Variants in BMAL2 observed in about 807,000 individuals in gnomAD.
BMAL2 encodes basic helix-loop-helix ARNT like 2.
chr12:27,384,815 TGCAG>T, the BMAL2 span, among the ~76,000 whole-genome samples: 2 of 152,344 alleles, frequency 1.3e-5, no homozygotes, highest in East Asian at 3.9e-4. Flanking sequence ...CTCACCTGTT[TGCAG>T]GCCATGGTGG....
the BMAL2 span, among the ~76,000 whole-genome samples, chr12:27,366,315 A>G: frequency 5.9e-5 from 9 of 152,196 alleles, no homozygotes; most frequent in Non-Finnish European, 8.8e-5. Context: ...ATATATGTCT[A>G]TTATATGAAG....
the BMAL2 span, chr12:27,418,111 AC>A: frequency 6.2e-7 from 1 of 1,613,100 alleles, no homozygotes; most frequent in Non-Finnish European, 8.5e-7. Context: ...AGTTGTTTCC[AC>A]CAAGTCCTTC....
chr12:27,346,052 G>A, the BMAL2 span, among the ~76,000 whole-genome samples: 293 of 152,268 alleles, frequency 1.9e-3, no homozygotes, highest in African/African-American at 6.5e-3. Context: ...GACAATGTGT[G>A]AACAAATGAA....
the BMAL2 span, among the ~76,000 whole-genome samples, chr12:27,349,664 T>G: frequency 6.6e-6 from 1 of 152,222 alleles, no homozygotes; most frequent in Non-Finnish European, 1.5e-5. Context: ...AGGCAAGTAA[T>G]TAATGTACTA....
the BMAL2 span, among the ~76,000 whole-genome samples, chr12:27,354,173 C>A: frequency 3.4e-4 from 52 of 152,292 alleles, no homozygotes; most frequent in African/African-American, 1.2e-3. Flanking sequence ...AACCTAGGTG[C>A]TCATCAGTGG....
At chr12:27,365,243 A>G in the BMAL2 span, among the ~76,000 whole-genome samples, 3 of 152,074 alleles carry the variant, frequency 2.0e-5, no homozygotes, top group Non-Finnish European at 2.9e-5. Flanking sequence ...AGATGATTGT[A>G]TAGTTTTTCA....
the BMAL2 span, among the ~76,000 whole-genome samples, chr12:27,411,622 T>C: frequency 6.6e-6 from 1 of 152,158 alleles, no homozygotes; most frequent in South Asian, 2.1e-4. Flanking sequence ...CATGTGCTTA[T>C]TGGCCATTTG....
At chr12:27,388,408 G>A in the BMAL2 span, among the ~76,000 whole-genome samples, 15 of 152,124 alleles carry the variant, frequency 9.9e-5, no homozygotes, top group African/African-American at 2.4e-4. Flanking sequence ...CGGCTGGTCC[G>A]TTAGTCCTGT....
At chr12:27,357,341 A>G in the BMAL2 span, among the ~76,000 whole-genome samples, 17 of 152,214 alleles carry the variant, frequency 1.1e-4, no homozygotes, top group Non-Finnish European at 4.4e-5. Context: ...GGAAAACTAC[A>G]AAGCACTACT....
the BMAL2 span, among the ~76,000 whole-genome samples, chr12:27,386,554 G>A: frequency 6.6e-6 from 1 of 152,154 alleles, no homozygotes; most frequent in African/African-American, 2.4e-5. Flanking sequence ...ATTCTGCCCT[G>A]TCCTTCTACC....
the BMAL2 span, among the ~76,000 whole-genome samples, chr12:27,396,651 G>A: frequency 3.3e-5 from 5 of 152,176 alleles, no homozygotes; most frequent in Non-Finnish European, 7.4e-5. Context: ...TCACTCCCAC[G>A]CCAAGCTGGG....
chr12:27,422,050 G>A, the BMAL2 span: 1 of 152,102 alleles, frequency 6.6e-6, no homozygotes, highest in Non-Finnish European at 1.5e-5. Flanking sequence ...AAAATTTGGA[G>A]AGCATTTTTA....
the BMAL2 span, among the ~76,000 whole-genome samples, chr12:27,417,624 C>G: frequency 6.6e-6 from 1 of 152,070 alleles, no homozygotes; most frequent in Non-Finnish European, 1.5e-5. Flanking sequence ...ACATGGTCCT[C>G]GGGAAAAGCA....
chr12:27,418,415 CAT>C, the BMAL2 span, among the ~76,000 whole-genome samples: 1 of 149,756 alleles, frequency 6.7e-6, no homozygotes, highest in East Asian at 2.0e-4. Context: ...GCCTGGCACA[CAT>C]AGCAATAACC....
At chr12:27,418,223 C>T in the BMAL2 span, 1 of 1,517,774 alleles carries the variant, frequency 6.6e-7, no homozygotes, top group Non-Finnish European at 9.0e-7. Context: ...AACTGCTGAC[C>T]ATTTTCGTTT....
the BMAL2 span, among the ~76,000 whole-genome samples, chr12:27,370,872 G>T: frequency 6.6e-6 from 1 of 152,042 alleles, no homozygotes; most frequent in Non-Finnish European, 1.5e-5. Context: ...CCAAAGTGCT[G>T]GGATTATAGG....
chr12:27,390,198 T>G, the BMAL2 span: 1 of 1,613,956 alleles, frequency 6.2e-7, no homozygotes, highest in African/African-American at 1.3e-5. Flanking sequence ...AAAATCTCTG[T>G]CAAAGAAGAG....
At chr12:27,392,620 A>C in the BMAL2 span, among the ~76,000 whole-genome samples, 1 of 152,072 alleles carries the variant, frequency 6.6e-6, no homozygotes, top group East Asian at 1.9e-4. Context: ...ACCTCTAATT[A>C]ATCCATCCAT....
chr12:27,400,690 A>G, the BMAL2 span: 1 of 1,613,904 alleles, frequency 6.2e-7, no homozygotes, highest in Non-Finnish European at 8.5e-7. Flanking sequence ...ATTGTTCCAC[A>G]GAACAGTGGA....
Sources: allele counts gnomAD v4.1 joint callset (sites outside exome capture counted in the v4.1 genomes callset), GRCh38; gene constraint gnomAD v4.1.1; transcripts MANE v1.5; gene names NCBI Gene and HGNC (gene_info 2026-07-23, HGNC 2026-07-21).